The following SNX27 variants were observed in gnomAD, a reference collection of about 807,000 sequenced individuals.
SNX27 encodes the protein sorting nexin-27.
In SNX27, 22 loss-of-function variants were observed where a neutral mutation model predicts 71.6. The ratio of observed to expected loss-of-function variants is 0.31; its 90% CI spans 0.22 to 0.44. SNX27 has a LOEUF of 0.44. Among genes scored for constraint, SNX27 ranks in the 20% least tolerant of loss-of-function variants. SNX27 has a pLI of 1.00. For synonymous variants in SNX27, 269 were observed against 277.2 expected, an observed-to-expected ratio of 0.97 and a Z score of 0.29; for missense variants, 531 against 698.6, an observed-to-expected ratio of 0.76 and a Z score of 2.70.
chr1:151,624,436 T>TATATATGTA (rs1337558489), intron 1 of SNX27, among the ~76,000 whole-genome samples: 1 of 131,208 alleles, frequency 7.6e-6, no homozygotes, highest in African/African-American at 2.8e-5. Flanking sequence ...TATATATGTA[T>TATATATGTA]TTTTTTTTTT....
intron 6 of SNX27, chr1:151,666,346 T>G (rs1558062978): frequency 5.5e-6 from 1 of 183,008 alleles, no homozygotes; most frequent in Non-Finnish European, 1.1e-5. Flanking sequence ...TAGTGTACTT[T>G]ATAGGATTTT....
intron 1 of SNX27, among the ~76,000 whole-genome samples, chr1:151,623,572 A>AT (rs1046161341): frequency 2.0e-4 from 30 of 151,130 alleles, no homozygotes; most frequent in African/African-American, 6.6e-4. Context: ...TAATTTTTAT[A>AT]TTTTTTTTGT....
intron 2 of SNX27, among the ~76,000 whole-genome samples, chr1:151,647,069 T>C (rs1669079650): frequency 6.6e-6 from 1 of 152,050 alleles, no homozygotes; most frequent in Non-Finnish European, 1.5e-5. Context: ...TTCAGGATTG[T>C]CAGTTAAATA....
chr1:151,667,813 C>T (rs1036018940), intron 6 of SNX27, among the ~76,000 whole-genome samples: 9 of 110,464 alleles, frequency 8.1e-5, no homozygotes, highest in Admixed American at 1.4e-4. Context: ...GGCGACAGAG[C>T]GAGACTCCGT....
intron 2 of SNX27, among the ~76,000 whole-genome samples, chr1:151,646,567 A>G (rs929592780): frequency 2.0e-5 from 3 of 149,380 alleles, no homozygotes; most frequent in Non-Finnish European, 4.4e-5. Flanking sequence ...TTTACCTTCA[A>G]ATTATATATT....
chr1:151,655,995 G>A (rs533716575), intron 2 of SNX27, among the ~76,000 whole-genome samples: 10 of 152,150 alleles, frequency 6.6e-5, no homozygotes, highest in African/African-American at 9.6e-5. Flanking sequence ...AGGCCGAGGC[G>A]GGTGGATCAC....
chr1:151,655,261 C>G (rs1333463242), intron 2 of SNX27, among the ~76,000 whole-genome samples: 1 of 152,012 alleles, frequency 6.6e-6, no homozygotes, highest in Non-Finnish European at 1.5e-5. Context: ...TTTTGAGTTC[C>G]CTTCTAAATT....
At position 151,691,249 on chromosome 1, in the gene SNX27, TCCGG is replaced by T. The variant is rs1305390094; in HGVS notation, c.1240-1183_1240-1180del. Among the ~76,000 whole-genome samples, 5 of 151,834 alleles carry T rather than the reference TCCGG, an allele frequency of 3.3e-5. No individual in the cohort carries two copies. The South Asian group carries it at 6.3e-4, about 19-fold the overall frequency. On this transcript the variant is annotated intron_variant, in intron 8 of 11. Coordinates refer to ENST00000458013, the MANE Select transcript of SNX27 (RefSeq NM_001330723.2). Reference sequence around the variant, plus strand: ...AGTGAGCCGAGATGTGCCACTGCACTCCGGCCTGGGTGACAGAGCCAGACTCTGT... The same window carrying T: ...AGTGAGCCGAGATGTGCCACTGCACTCCTGGGTGACAGAGCCAGACTCTGT...
chr1:151,676,224 A>G (rs1455424477), intron 7 of SNX27: 4 of 133,230 alleles, frequency 3.0e-5, no homozygotes, highest in Non-Finnish European at 4.9e-5. Flanking sequence ...ATTTTAATAG[A>G]TATTTACTCT....
chr1:151,662,552 C>T (rs192635329), intron 5 of SNX27: 49 of 190,938 alleles, frequency 2.6e-4, no homozygotes, highest in African/African-American at 1.1e-3. Flanking sequence ...GCGCAATCTC[C>T]GCTCACTGCA....
At position 151,612,250 on chromosome 1, in the gene SNX27, A is replaced by C. The variant is rs1244369682; in HGVS notation, c.49A>C (p.Asn17His). 3 of 1,440,210 alleles carry C rather than the reference A, an allele frequency of 2.1e-6. No individual in the cohort carries two copies. The highest frequency in any genetic ancestry group is 3.0e-5 in the East Asian group (1 of 33,874). The allele number at this position is 1,440,210 out of a possible 1,614,324, so 89.2% of individuals were successfully genotyped here. Residue 17 changes from asparagine (N) to histidine (H), a missense_variant, in exon 1 of 12, where the codon AAC becomes CAC. By Grantham distance (68) the Asn-to-His change is moderately conservative. Coordinates refer to ENST00000458013, the MANE Select transcript of SNX27 (RefSeq NM_001330723.2). This position sits in a 1 kb window ranked among gnomAD's most constrained non-coding sequence, Gnocchi z 5.2. ...EGIHPSAPHR[N>H]GGGGGGGGSG... ...GATTCATCCCTCAGCCCCTCACAGGAACGGAGGTGGCGGCGGCGGCGGGGG... is the reference window on the plus strand; with the variant it reads ...GATTCATCCCTCAGCCCCTCACAGGCACGGAGGTGGCGGCGGCGGCGGGGG...
intron 2 of SNX27, among the ~76,000 whole-genome samples, chr1:151,651,562 CG>C (rs1335751568): frequency 6.6e-6 from 1 of 150,840 alleles, no homozygotes; most frequent in Non-Finnish European, 1.5e-5. Context: ...ACCTCCCAGA[CG>C]GGGTCGCGGC....
At chr1:151,636,818 T>C (rs1165156796) in intron 1 of SNX27, among the ~76,000 whole-genome samples, 1 of 152,182 alleles carries the variant, frequency 6.6e-6, no homozygotes, top group Non-Finnish European at 1.5e-5. Flanking sequence ...GCCAAATACT[T>C]AGATAAAATC....
chr1:151,633,162 G>A (rs961412751), intron 1 of SNX27, among the ~76,000 whole-genome samples: 9 of 152,134 alleles, frequency 5.9e-5, no homozygotes, highest in East Asian at 1.9e-4. Context: ...TTGAGCCACC[G>A]CGCTCGGCCA....
chr1:151,626,115 C>T (rs976253418), intron 1 of SNX27, among the ~76,000 whole-genome samples: 4 of 151,678 alleles, frequency 2.6e-5, no homozygotes, highest in Admixed American at 6.6e-5. Flanking sequence ...GGCGACAGAG[C>T]GAGACTCCGT....
At chr1:151,661,933 T>C (rs1669980614) in intron 4 of SNX27, among the ~76,000 whole-genome samples, 2 of 152,356 alleles carry the variant, frequency 1.3e-5, no homozygotes, top group Non-Finnish European at 2.9e-5. Flanking sequence ...TGTTTTGAAA[T>C]GTGAACACGT....
intron 8 of SNX27, 36 bp downstream of exon 8, chr1:151,683,481 C>A: frequency 1.3e-6 from 2 of 1,484,184 alleles, no homozygotes; most frequent in Non-Finnish European, 1.9e-6. Context: ...TTAAAAATGC[C>A]CCTTCCTACC....
At chr1:151,650,974 C>A (rs1022737321) in intron 2 of SNX27, among the ~76,000 whole-genome samples, 12 of 152,196 alleles carry the variant, frequency 7.9e-5, no homozygotes, top group African/African-American at 2.7e-4. Flanking sequence ...AGTACAGAAC[C>A]AAATGAAAAG....
At chr1:151,667,679 T>C (rs1228644306) in intron 6 of SNX27, among the ~76,000 whole-genome samples, 1 of 151,234 alleles carries the variant, frequency 6.6e-6, no homozygotes, top group African/African-American at 2.4e-5. Flanking sequence ...TACAAAAAAT[T>C]AGCCGGGCGT....
Sources: allele counts gnomAD v4.1 joint callset (sites outside exome capture counted in the v4.1 genomes callset), GRCh38; gene constraint gnomAD v4.1.1; non-coding constraint Gnocchi (gnomAD v3.1); transcripts MANE v1.5; gene names NCBI Gene and HGNC (gene_info 2026-07-23, HGNC 2026-07-21).